Variants in PTPRD observed in about 807,000 individuals in gnomAD.
The protein encoded by PTPRD is receptor-type tyrosine-protein phosphatase delta.
Under a neutral mutation model 214.5 loss-of-function variants are expected in PTPRD, and 34 were observed. The observed-to-expected ratio is 0.16, with a 90% confidence interval of 0.12 to 0.21. The LOEUF (loss-of-function observed/expected upper bound fraction) is 0.21. Ranked by LOEUF, PTPRD falls within the 10% of genes least tolerant of loss-of-function variation. PTPRD has a pLI of 1.00. For synonymous variants in PTPRD, 1,128 were observed against 845.7 expected, an observed-to-expected ratio of 1.33 and a Z score of -5.79; for missense variants, 2,545 against 2,398.7, an observed-to-expected ratio of 1.06 and a Z score of -1.27.
intron 10 of PTPRD, among the ~76,000 whole-genome samples, chr9:9,168,580 C>G (rs952344276): frequency 2.6e-5 from 4 of 151,938 alleles, no homozygotes; most frequent in African/African-American, 9.7e-5. Context: ...AGAAATCAAA[C>G]AAGTAAGCAG....
intron 2 of PTPRD, among the ~76,000 whole-genome samples, chr9:10,516,246 TA>T (rs1321093853): frequency 1.3e-5 from 2 of 151,888 alleles, no homozygotes; most frequent in Non-Finnish European, 1.5e-5. Context: ...TGTCTTTTTT[TA>T]AAAAAAATAA....
chr9:10,214,315 C>T (rs1482569754), intron 3 of PTPRD, among the ~76,000 whole-genome samples: 3 of 151,906 alleles, frequency 2.0e-5, no homozygotes, highest in South Asian at 2.1e-4. Flanking sequence ...TCACTCTTGT[C>T]GCCCAGGCTG....
chr9:10,059,586 G>T (rs997025809), intron 3 of PTPRD, among the ~76,000 whole-genome samples: 2 of 151,916 alleles, frequency 1.3e-5, no homozygotes, highest in African/African-American at 4.8e-5. Context: ...GAATTTAGGT[G>T]CTTAGCATTT....
chr9:9,685,385 T>C (rs2097149597), intron 7 of PTPRD, among the ~76,000 whole-genome samples: 2 of 151,420 alleles, frequency 1.3e-5, no homozygotes, highest in Middle Eastern at 3.4e-3. Context: ...GGCTCCCAAA[T>C]GCAAGTTCAG....
intron 2 of PTPRD, among the ~76,000 whole-genome samples, chr9:10,420,375 A>G (rs1403038240): frequency 4.0e-5 from 6 of 151,882 alleles, no homozygotes; most frequent in Non-Finnish European, 8.8e-5. Flanking sequence ...CAATTCTCCA[A>G]ATCCTTTCAT....
rs566706079 is a variant in PTPRD, at chr9:8,948,521, ATATATATATTTATATATATATT to A, written c.-104+70154_-104+70175del. On this transcript the variant is annotated intron_variant, in intron 11 of 45. Transcript: ENST00000381196. ...TATATATATTTATATATATATATTT[ATATATATATTTATATATATATT>A]TATATATATTTATATATATTTATAT... 1.1e-3 allele frequency among the ~76,000 whole-genome samples: 58 copies of A among 51,756 alleles called. 7 individuals are homozygous for A. The highest frequency in any genetic ancestry group is 1.5e-3 in the South Asian group (2 of 1,332). 34.0% of individuals were successfully genotyped at this position (51,756 alleles called of 152,430 possible).
At chr9:10,385,951 T>C (rs2097906612) in intron 2 of PTPRD, among the ~76,000 whole-genome samples, 1 of 151,920 alleles carries the variant, frequency 6.6e-6, no homozygotes, top group South Asian at 2.1e-4. Flanking sequence ...TTCTGTTTTA[T>C]TAAAACAGCA....
chr9:10,578,673 T>C lies in PTPRD; in HGVS notation c.-600+33725A>G, dbSNP rs997462851. Among the ~76,000 whole-genome samples the C allele has an allele frequency of 2.6e-5, 4 of 152,286 alleles. No individual in the cohort carries two copies. In the East Asian group the frequency reaches 5.8e-4, roughly 22 times the overall value. On this transcript the variant is annotated intron_variant, in intron 2 of 45. Transcript: ENST00000381196. Reference sequence around the variant, plus strand: ...GATTTTGTCATGCCCAAAAGTATTGTGTGAATCAGTAACACACTACAGCAT... The same window carrying C: ...GATTTTGTCATGCCCAAAAGTATTGCGTGAATCAGTAACACACTACAGCAT...
At chr9:9,058,335 T>C (rs918172312) in intron 10 of PTPRD, among the ~76,000 whole-genome samples, 1 of 151,916 alleles carries the variant, frequency 6.6e-6, no homozygotes, top group African/African-American at 2.4e-5. Flanking sequence ...TTGCTTCTGA[T>C]TTGTGTGAAT....
intron 7 of PTPRD, among the ~76,000 whole-genome samples, chr9:9,622,096 G>A (rs2095263169): frequency 1.3e-5 from 2 of 152,130 alleles, no homozygotes; most frequent in Admixed American, 6.5e-5. Flanking sequence ...TACATAGAAA[G>A]TATTAGGGAA....
At chr9:9,718,785 T>C (rs1360420033) in intron 7 of PTPRD, among the ~76,000 whole-genome samples, 1 of 152,214 alleles carries the variant, frequency 6.6e-6, no homozygotes, top group Non-Finnish European at 1.5e-5. Flanking sequence ...AAACTGCTTC[T>C]GAGGCTAAAA....
chr9:10,559,414 G>A (rs1453152721), intron 2 of PTPRD, among the ~76,000 whole-genome samples: 3 of 151,910 alleles, frequency 2.0e-5, no homozygotes, highest in Non-Finnish European at 2.9e-5. Context: ...AATAATCAAT[G>A]GCCACACAGT....
intron 7 of PTPRD, among the ~76,000 whole-genome samples, chr9:9,597,053 C>G (rs1284472848): frequency 6.6e-6 from 1 of 151,894 alleles, no homozygotes; most frequent in Non-Finnish European, 1.5e-5. Flanking sequence ...AAAAAAGCTG[C>G]AGGTAAGAAG....
chr9:9,174,687 G>T (rs1254306657), intron 10 of PTPRD, among the ~76,000 whole-genome samples: 1 of 152,142 alleles, frequency 6.6e-6, no homozygotes, highest in Admixed American at 6.6e-5. Context: ...TAACTATAGT[G>T]ATTTCTAATA....
rs578261172 is a variant in PTPRD, at chr9:8,718,379, C to G, written c.64+15401G>C. Among the ~76,000 whole-genome samples the G allele has an allele frequency of 2.0e-5, 3 of 152,294 alleles. No individual in the cohort carries two copies. In the East Asian group the frequency reaches 5.8e-4, roughly 29 times the overall value. ...TTATCATAATACCCCTCGTTTCCCT[C>G]TCACTCCAAATCACAACAATTGAAA... On this transcript the variant is annotated intron_variant, in intron 12 of 45. Coordinates refer to ENST00000381196, the MANE Select transcript of PTPRD (RefSeq NM_002839.4).
chr9:9,257,013 G>A (rs1380991653), intron 9 of PTPRD, among the ~76,000 whole-genome samples: 2 of 151,958 alleles, frequency 1.3e-5, no homozygotes, highest in Admixed American at 6.6e-5. Context: ...TTTAAGGGTT[G>A]TTCCCTCTTT....
At chr9:10,555,869 A>C (rs901666486) in intron 2 of PTPRD, among the ~76,000 whole-genome samples, 61 of 152,326 alleles carry the variant, frequency 4.0e-4, no homozygotes, top group African/African-American at 1.2e-3. Context: ...GAAAATATCA[A>C]ATTAGTGAAT....
At chr9:8,435,750 C>A (rs1375110149) in intron 35 of PTPRD, among the ~76,000 whole-genome samples, 1 of 152,000 alleles carries the variant, frequency 6.6e-6, no homozygotes, top group Non-Finnish European at 1.5e-5. Flanking sequence ...TGCATACACA[C>A]AGGCTTTTAA....
At chr9:9,044,214 G>A (rs1455033753) in intron 10 of PTPRD, among the ~76,000 whole-genome samples, 1 of 152,202 alleles carries the variant, frequency 6.6e-6, no homozygotes, top group South Asian at 2.1e-4. Flanking sequence ...AGGAATGGCA[G>A]AAAAGTGTTA....
Sources: allele counts gnomAD v4.1 joint callset (sites outside exome capture counted in the v4.1 genomes callset), GRCh38; gene constraint gnomAD v4.1.1; transcripts MANE v1.5; gene names NCBI Gene and HGNC (gene_info 2026-07-23, HGNC 2026-07-21).